HNMT: variants seen among roughly 807,000 people sequenced by gnomAD.
The protein encoded by HNMT is histamine N-methyltransferase.
In HNMT, 30 loss-of-function variants were observed where a neutral mutation model predicts 32.1. The ratio of observed to expected loss-of-function variants is 0.93; its 90% CI spans 0.70 to 1.27. HNMT has a LOEUF of 1.27. Among genes scored for constraint, HNMT ranks in the 50% most tolerant of loss-of-function variants. The pLI, the probability that HNMT is intolerant of heterozygous loss-of-function variation, is 0.00. For synonymous variants in HNMT, 125 were observed against 119.0 expected (o/e 1.05, Z -0.33); for missense variants, 327 against 346.0 (o/e 0.95, Z 0.43).
Position 138,013,756 on chromosome 2 carries a change from C to T in HNMT, c.524-19C>T. ...AAAGAAAGAATAAATGAAAGCATGA[C>T]TTGTGTTTTATTGCACAGGAAGCAG... On this transcript the variant is annotated intron_variant, in intron 5 of 5. Transcript: ENST00000280097. 1 of 1,584,786 alleles carries T rather than the reference C, an allele frequency of 6.3e-7. No homozygotes were observed. Among genetic ancestry groups the T allele is most frequent in the Non-Finnish European group, 8.6e-7 (1 of 1,156,874 alleles).
At chr2:137,981,376 C>G (rs1211355021) in intron 2 of HNMT, 1 of 1,610,840 alleles carries the variant, frequency 6.2e-7, no homozygotes, top group East Asian at 2.2e-5. Context: ...CTGCATTTCC[C>G]TCATTCCTAG....
At chr2:137,972,017 C>T (rs1399959307) in intron 2 of HNMT, among the ~76,000 whole-genome samples, 4 of 152,022 alleles carry the variant, frequency 2.6e-5, no homozygotes, top group East Asian at 1.9e-4. Context: ...GTTCTAGTGC[C>T]CCATGAATGA....
At chr2:137,967,350 A>G in intron 1 of HNMT, 1 of 504,312 alleles carries the variant, frequency 2.0e-6, no homozygotes, top group South Asian at 3.1e-5. Context: ...CTTCAGTGAG[A>G]TATGGCTGAG....
At chr2:137,989,626 A>G (rs1426823506) in intron 2 of HNMT, among the ~76,000 whole-genome samples, 1 of 152,208 alleles carries the variant, frequency 6.6e-6, no homozygotes, top group Non-Finnish European at 1.5e-5. Flanking sequence ...GAGCTTGATT[A>G]CTGAATCATA....
At chr2:138,001,173 T>A (rs949413035) in intron 3 of HNMT, 148 bp downstream of exon 3, 2 of 501,080 alleles carry the variant, frequency 4.0e-6, no homozygotes, top group African/African-American at 4.0e-5. Flanking sequence ...TTGGCAGGCA[T>A]GACTAAACAT....
intron 5 of HNMT, among the ~76,000 whole-genome samples, chr2:138,006,809 A>G (rs1681342604): frequency 6.6e-6 from 1 of 152,010 alleles, no homozygotes; most frequent in Admixed American, 6.6e-5. Context: ...CCTTATCTGC[A>G]TTATATTACA....
chr2:138,000,755 G>C (rs1681143022), intron 2 of HNMT, among the ~76,000 whole-genome samples, 163 bp from the exon 3 acceptor site: 1 of 152,036 alleles, frequency 6.6e-6, no homozygotes. Flanking sequence ...TGCCTACTTA[G>C]AACCTAGCTG....
chr2:138,002,116 G>A lies in HNMT; in HGVS notation c.351G>A (p.Lys117=). The stretch of plus-strand genomic sequence containing the variant: ...AGAACGTAAAGTTTGCTTGGCATAA[G>A]GAGACATCATCTGAATACCAAAGTA... ...NLENVKFAWH[K]ETSSEYQSRM... Residue 117 remains lysine, a synonymous_variant, in exon 4 of 6, where the codon AAG becomes AAA. Transcript: ENST00000280097. The A allele has an allele frequency of 6.2e-7, 1 of 1,604,490 alleles. No homozygotes were observed. Among genetic ancestry groups the A allele is most frequent in the Non-Finnish European group, 8.5e-7 (1 of 1,174,944 alleles).
intron 2 of HNMT, among the ~76,000 whole-genome samples, chr2:137,999,009 TTGC>T (rs1681082497): frequency 6.6e-6 from 1 of 152,170 alleles, no homozygotes; most frequent in African/African-American, 2.4e-5. Flanking sequence ...TTCAGAATAG[TTGC>T]TGAACAGAAG....
chr2:137,998,988 C>A (rs1230058896), intron 2 of HNMT, among the ~76,000 whole-genome samples: 1 of 152,020 alleles, frequency 6.6e-6, no homozygotes, highest in African/African-American at 2.4e-5. Context: ...TCTTAGTTGT[C>A]TTTTTTTCCC....
chr2:138,012,894 C>A (rs1681551127), intron 5 of HNMT, among the ~76,000 whole-genome samples: 1 of 151,998 alleles, frequency 6.6e-6, no homozygotes, highest in African/African-American at 2.4e-5. Flanking sequence ...TCTGTGGGAC[C>A]CACCCCCACC....
At chr2:137,995,710 C>CA (rs995074703) in intron 2 of HNMT, among the ~76,000 whole-genome samples, 8 of 151,220 alleles carry the variant, frequency 5.3e-5, no homozygotes, top group South Asian at 2.1e-4. Context: ...AGAGACACAA[C>CA]AAAAAAAAGG....
intron 1 of HNMT, 75 bp from the exon 2 acceptor site, chr2:137,970,090 C>A: frequency 1.3e-6 from 1 of 757,894 alleles, no homozygotes; most frequent in South Asian, 1.8e-5. Context: ...CTGTTCTCTT[C>A]AACTAGACTA....
intron 1 of HNMT, among the ~76,000 whole-genome samples, chr2:137,965,660 A>C (rs1202459652): frequency 6.6e-6 from 1 of 152,218 alleles, no homozygotes; most frequent in African/African-American, 2.4e-5. Context: ...CATCAAAGCA[A>C]ATAGCAAATA....
At chr2:138,004,730 G>A (rs1351988115) in intron 4 of HNMT, among the ~76,000 whole-genome samples, 3 of 152,014 alleles carry the variant, frequency 2.0e-5, no homozygotes, top group Admixed American at 6.6e-5. Flanking sequence ...GTAAAGTAAC[G>A]TTCCATGAAA....
intron 2 of HNMT, among the ~76,000 whole-genome samples, chr2:137,998,996 C>A (rs190072624): frequency 0.02 from 2,978 of 152,124 alleles, 92 homozygotes; most frequent in African/African-American, 0.068. Context: ...GTCTTTTTTT[C>A]CCTTCAGAAT....
intron 5 of HNMT, among the ~76,000 whole-genome samples, chr2:138,009,517 G>A (rs1486023236): frequency 5.9e-5 from 9 of 152,032 alleles, no homozygotes; most frequent in Non-Finnish European, 1.2e-4. Context: ...AGTGTATGAT[G>A]AGGGTGATGG....
chr2:138,014,865 CT>C lies in HNMT; in HGVS notation c.*742del, dbSNP rs1275109059. 11 of 151,606 alleles carry C rather than the reference CT, an allele frequency of 7.3e-5. No homozygotes were observed. Among genetic ancestry groups the C allele is most frequent in the African/African-American group, 2.4e-4 (10 of 41,318 alleles). 9.4% of individuals were successfully genotyped at this position (151,606 alleles called of 1,614,324 possible). Reference sequence around the variant, plus strand: ...TTATCAAAATAATATTATAGTTTTGCTTTTTTTAAAAAATGAAATCTTTACT... The same window carrying C: ...TTATCAAAATAATATTATAGTTTTGCTTTTTTAAAAAATGAAATCTTTACT... On this transcript the variant is annotated 3_prime_UTR_variant, in exon 6 of 6. Coordinates refer to ENST00000280097, the MANE Select transcript of HNMT (RefSeq NM_006895.3).
intron 2 of HNMT, among the ~76,000 whole-genome samples, chr2:137,990,788 A>G (rs1323727951): frequency 6.6e-6 from 1 of 152,196 alleles, no homozygotes; most frequent in East Asian, 1.9e-4. Context: ...CAATCAACAC[A>G]GAAGACTTCT....
Sources: gnomAD v4.1 joint callset for allele counts (sites outside exome capture counted in the v4.1 genomes callset) on GRCh38, gnomAD v4.1.1 for gene constraint, MANE v1.5 for transcripts, NCBI Gene and HGNC (gene_info 2026-07-23, HGNC 2026-07-21) for gene names.